Variants in APPL1 observed in about 807,000 individuals in gnomAD.
The protein encoded by APPL1 is adaptor protein, phosphotyrosine interacting with PH domain and leucine zipper 1.
A neutral mutation model predicts 106.8 loss-of-function variants in APPL1; 42 were observed. The observed-to-expected ratio is 0.39, with a 90% CI of 0.31 to 0.51. APPL1 has a LOEUF of 0.51. Among genes scored for constraint, APPL1 ranks in the 20% least tolerant of loss-of-function variants. The pLI, the probability that APPL1 is intolerant of heterozygous loss-of-function variation, is 0.75. For missense variants in APPL1, 769 were observed against 858.2 expected, an observed-to-expected ratio of 0.90 and a Z score of 1.30; for synonymous variants, 263 against 281.8, an observed-to-expected ratio of 0.93 and a Z score of 0.67.
intron 13 of APPL1, 70 bp downstream of exon 13, chr3:57,253,808 T>G: frequency 7.9e-7 from 1 of 1,258,784 alleles, no homozygotes; most frequent in Non-Finnish European, 1.0e-6. Flanking sequence ...ATGTTTTTAT[T>G]AATTCATAAT....
At chr3:57,236,428 A>G (rs2060717182) in intron 2 of APPL1, among the ~76,000 whole-genome samples, 1 of 151,086 alleles carries the variant, frequency 6.6e-6, no homozygotes, top group Non-Finnish European at 1.5e-5. Context: ...TCCCAGGTTC[A>G]AGCAATTCTT....
intron 12 of APPL1, among the ~76,000 whole-genome samples, chr3:57,252,733 A>AT (rs1347611915): frequency 6.6e-6 from 1 of 152,336 alleles, no homozygotes; most frequent in Admixed American, 6.5e-5. Flanking sequence ...GAAATGAAAG[A>AT]TAGAAAAACA....
rs1276929597 is a variant in APPL1 at position 57,235,595 on chromosome 3, A to G, written c.84A>G (p.Glu28=). ...GGTCTTTACTAGGTGTATTTGAAGA[A>G]GATGCCACAGCTATTTCCAACTATA... ...QTRSLLGVFE[E]DATAISNYMN... The change falls in exon 2 of 22, where the codon GAA becomes GAG. Residue 28 remains glutamate (E), a synonymous_variant. Transcript: ENST00000288266. 1.2e-6 allele frequency: 2 copies of G among 1,613,048 alleles called. No homozygotes were observed. The highest frequency in any genetic ancestry group is 8.5e-7 in the Non-Finnish European group (1 of 1,179,228).
chr3:57,242,431 TTA>T (rs763636722), intron 6 of APPL1, among the ~76,000 whole-genome samples: 6 of 151,018 alleles, frequency 4.0e-5, no homozygotes, highest in African/African-American at 9.7e-5. Context: ...TTAATGAGTG[TTA>T]TATATATATA....
chr3:57,232,128 G>C (rs577701569), intron 1 of APPL1, among the ~76,000 whole-genome samples: 2 of 152,200 alleles, frequency 1.3e-5, no homozygotes, highest in African/African-American at 4.8e-5. Context: ...AATAAACCTT[G>C]TTAATTACTA....
chr3:57,257,488 C>T (rs367884683), intron 15 of APPL1, 60 bp downstream of exon 15: 3 of 1,377,080 alleles, frequency 2.2e-6, no homozygotes, highest in Non-Finnish European at 1.9e-6. Context: ...AATCCCCTGT[C>T]TGCATTTCAG....
chr3:57,252,771 A>C lies in APPL1; in HGVS notation c.1095+460A>C, dbSNP rs967577029. Among the ~76,000 whole-genome samples, 4 of 152,326 alleles carry C rather than the reference A, an allele frequency of 2.6e-5. No homozygotes were observed. In the South Asian group the frequency reaches 8.3e-4, roughly 32 times the overall value. On this transcript the variant is annotated intron_variant, in intron 12 of 21. Transcript: ENST00000288266. ...AATTTGGGAGTCTCTGTTCTTCCTC[A>C]TGAGCCTTTTATTTTTGGCTCCATT... is the stretch of plus-strand genomic sequence containing the variant.
In APPL1 at chr3:57,259,053, G is replaced by A. The variant is rs754877013; in HGVS notation, c.1456G>A (p.Gly486Arg). ...GCGTACAAATCCATTTGGAGAATCTGGAGGAAGTACAAAATCTGAAACTGA... is the reference window on the plus strand; with the variant it reads ...GCGTACAAATCCATTTGGAGAATCTAGAGGAAGTACAAAATCTGAAACTGA... Reference protein sequence around the residue: ...GRRTNPFGESGGSTKSETEDS... With the variant: ...GRRTNPFGESRGSTKSETEDS... The change falls in exon 16 of 22, where the codon GGA becomes AGA. Residue 486 changes from glycine to arginine, a missense_variant. Physicochemically the swap from Gly to Arg is moderately radical, Grantham distance 125 (BLOSUM62 -2). Transcript: ENST00000288266. The A allele has an allele frequency of 5.0e-6, 8 of 1,612,614 alleles. No individual in the cohort carries two copies. In the East Asian group the frequency reaches 1.6e-4, roughly 32 times the overall value.
intron 17 of APPL1, 33 bp downstream of exon 17, chr3:57,260,052 A>G (rs2060857244): frequency 6.2e-7 from 1 of 1,607,872 alleles, no homozygotes; most frequent in African/African-American, 1.3e-5. Context: ...AAACTGTAGA[A>G]AAAACATTTA....
In APPL1 at chr3:57,271,225, C is replaced by G. The variant is rs1175512141; in HGVS notation, c.*1538C>G. The G allele has an allele frequency of 9.8e-6, 1 of 102,560 alleles. No homozygotes were observed. Among genetic ancestry groups the G allele is most frequent in the East Asian group, 1.9e-4 (1 of 5,154 alleles). The allele number at this position is 102,560 out of a possible 1,614,324, so 6.4% of individuals were successfully genotyped here. Reference sequence around the variant, plus strand: ...CTCAAAATATAACTCAGCTGTTTCACACTGTATATGTACATTGTTTTCTGT... The same window carrying G: ...CTCAAAATATAACTCAGCTGTTTCAGACTGTATATGTACATTGTTTTCTGT... On this transcript the variant is annotated 3_prime_UTR_variant, in exon 22 of 22. Coordinates refer to ENST00000288266, the MANE Select transcript of APPL1 (RefSeq NM_012096.3).
chr3:57,248,266 C>T lies in APPL1; in HGVS notation c.778C>T (p.Pro260Ser). 1 of 1,614,104 alleles carries T rather than the reference C, an allele frequency of 6.2e-7. No homozygotes were observed. The highest frequency in any genetic ancestry group is 1.1e-5 in the South Asian group (1 of 91,080). ...AGAGGATTTGGAAGTAGCCAGTGAT[C>T]CCTTATATGTGCCTGACCCAGACCC... ...TIEDLEVASD[P>S]LYVPDPDPTK... is the part of the protein sequence containing the mutation. Residue 260 changes from proline (P) to serine (S), a missense_variant, in exon 10 of 22, where the codon CCC becomes TCC. Physicochemically the swap from Pro to Ser is moderately conservative, Grantham distance 74 (BLOSUM62 -1). Coordinates refer to ENST00000288266, the MANE Select transcript of APPL1 (RefSeq NM_012096.3).
chr3:57,257,383 G>A lies in APPL1; in HGVS notation c.1385G>A (p.Cys462Tyr), dbSNP rs140080512. Residue 462 changes from cysteine to tyrosine, a missense_variant, in exon 15 of 22, where the codon TGT (cysteine) becomes TAT (tyrosine). By Grantham distance (194) the Cys-to-Tyr change is radical. Transcript: ENST00000288266. ...CAGTTTGACATAATTTCTCCTGTGTGTGAAGATCAGCCTGGCCAGGCAAAA... is the reference window on the plus strand; with the variant it reads ...CAGTTTGACATAATTTCTCCTGTGTATGAAGATCAGCCTGGCCAGGCAAAA... Reference protein sequence around the residue: ...PIQFDIISPVCEDQPGQAKAF... With the variant: ...PIQFDIISPVYEDQPGQAKAF... 12 of 1,613,958 alleles carry A rather than the reference G, an allele frequency of 7.4e-6. No individual in the cohort carries two copies. The Admixed American group carries it at 8.3e-5, about 11-fold the overall frequency.
At chr3:57,231,949 G>C (rs1331353282) in intron 1 of APPL1, among the ~76,000 whole-genome samples, 1 of 152,028 alleles carries the variant, frequency 6.6e-6, no homozygotes, top group Non-Finnish European at 1.5e-5. Flanking sequence ...GATCAAACAA[G>C]CATCTTTTAA....
intron 1 of APPL1, 47 bp from the exon 2 acceptor site, chr3:57,235,519 G>T (rs2060711645): frequency 8.1e-7 from 1 of 1,230,244 alleles, no homozygotes; most frequent in South Asian, 1.5e-5. Context: ...TTTTCCATCT[G>T]ATTTGTATAA....
rs543319762 is a variant in APPL1, at chr3:57,228,956, C to T, written c.54+1019C>T. ...GAAAAGCAGAAGAGGTCTAGATCTCCTTTTCCTGGATGGCACTTCTGCCAT... is the reference window on the plus strand; with the variant it reads ...GAAAAGCAGAAGAGGTCTAGATCTCTTTTTCCTGGATGGCACTTCTGCCAT... On this transcript the variant is annotated intron_variant, in intron 1 of 21. Coordinates refer to ENST00000288266, the MANE Select transcript of APPL1 (RefSeq NM_012096.3). The surrounding 1 kb of genome is among the most constrained non-coding windows in gnomAD (Gnocchi z 4.6). Among the ~76,000 whole-genome samples the T allele has an allele frequency of 3.3e-5, 5 of 152,330 alleles. No individual in the cohort carries two copies. Among genetic ancestry groups the T allele is most frequent in the Admixed American group, 1.3e-4 (2 of 15,300 alleles).
intron 1 of APPL1, 77 bp from the exon 2 acceptor site, chr3:57,235,489 G>A: frequency 1.1e-6 from 1 of 876,788 alleles, no homozygotes; most frequent in African/African-American, 1.7e-5. Flanking sequence ...TACGATTTTT[G>A]CTTCCTTTAG....
intron 1 of APPL1, among the ~76,000 whole-genome samples, chr3:57,234,464 A>C (rs1437327884): frequency 1.3e-5 from 2 of 150,262 alleles, no homozygotes; most frequent in African/African-American, 4.9e-5. Flanking sequence ...TGCCTGGATA[A>C]TTTTTTTGTA....
intron 20 of APPL1, 125 bp downstream of exon 20, chr3:57,267,917 C>G (rs977048029): frequency 1.1e-6 from 1 of 937,242 alleles, no homozygotes; most frequent in Non-Finnish European, 1.7e-6. Context: ...CATGGTGAAA[C>G]CCCATTTCTA....
At position 57,257,362 on chromosome 3, in the gene APPL1, T is replaced by C; in HGVS notation, c.1364T>C (p.Phe455Ser). The C allele has an allele frequency of 6.2e-7, 1 of 1,614,104 alleles. No individual in the cohort carries two copies. The part of the protein sequence containing the change: ...SLVAPDTPIQ[F>S]DIISPVCEDQ... ...GTTGCCCCAGACACCCCAATACAGTTTGACATAATTTCTCCTGTGTGTGAA... is the reference window on the plus strand; with the variant it reads ...GTTGCCCCAGACACCCCAATACAGTCTGACATAATTTCTCCTGTGTGTGAA... The change falls in exon 15 of 22, where the codon TTT (phenylalanine) becomes TCT (serine). Residue 455 changes from phenylalanine (F) to serine (S), a missense_variant. Physicochemically the swap from Phe to Ser is radical, Grantham distance 155 (BLOSUM62 -2). Transcript: ENST00000288266.
Sources: allele counts gnomAD v4.1 joint callset (sites outside exome capture counted in the v4.1 genomes callset), GRCh38; gene constraint gnomAD v4.1.1; non-coding constraint Gnocchi (gnomAD v3.1); transcripts MANE v1.5; gene names NCBI Gene and HGNC (gene_info 2026-07-23, HGNC 2026-07-21).